The following SULF1 variants were observed in gnomAD, a reference collection of about 807,000 sequenced individuals.
The protein encoded by SULF1 is extracellular sulfatase Sulf-1.
SULF1 carries 46 observed loss-of-function variants against 110.5 expected under a neutral mutation model. The ratio of observed to expected loss-of-function variants is 0.42; its 90% CI spans 0.33 to 0.53. SULF1 has a LOEUF of 0.53. SULF1 is among the 20% of genes least tolerant of loss of function. SULF1 has a pLI of 0.12. For missense variants in SULF1, 941 were observed against 1,094.2 expected (o/e 0.86, Z 1.98); for synonymous variants, 371 against 387.1 (o/e 0.96, Z 0.49).
At chr8:69,611,121 ACT>A (rs1239420728) in intron 13 of SULF1, among the ~76,000 whole-genome samples, 1 of 152,172 alleles carries the variant, frequency 6.6e-6, no homozygotes, top group Non-Finnish European at 1.5e-5. Flanking sequence ...TCTTAACCTA[ACT>A]CTGCCTCAGT....
At chr8:69,538,095 G>C (rs900442720) in intron 3 of SULF1, among the ~76,000 whole-genome samples, 2 of 151,944 alleles carry the variant, frequency 1.3e-5, no homozygotes, top group African/African-American at 4.8e-5. Context: ...CCGCGTAGCT[G>C]GGACTACAGG....
rs1033385837 is a variant in SULF1, at chr8:69,603,070, G to C, written c.1062-122G>C. ...TTGCCACACAACTACCCATGCCTAGGAGACCAGATGAGAGGGTGAGAAGAG... is the reference window on the plus strand; with the variant it reads ...TTGCCACACAACTACCCATGCCTAGCAGACCAGATGAGAGGGTGAGAAGAG... On this transcript the variant is annotated intron_variant, in intron 10 of 22. Transcript: ENST00000402687. 9.4e-6 allele frequency: 13 copies of C among 1,378,148 alleles called. No individual in the cohort carries two copies. The Admixed American group carries it at 2.3e-4, about 25-fold the overall frequency. 85.4% of individuals were successfully genotyped at this position (1,378,148 alleles called of 1,614,324 possible).
chr8:69,621,023 T>G lies in SULF1; in HGVS notation c.1378-12T>G. The G allele has an allele frequency of 6.3e-7, 1 of 1,585,090 alleles. No homozygotes were observed. Among genetic ancestry groups the G allele is most frequent in the Non-Finnish European group, 8.6e-7 (1 of 1,158,550 alleles). ...CAGAATCGGTAAACTGCTTTCACGT[T>G]GGCTTTTGCAGAAGTGGCAATGCAT... is the stretch of plus-strand genomic sequence containing the variant. On this transcript the variant is annotated splice_polypyrimidine_tract_variant and intron_variant, in intron 13 of 22. Transcript: ENST00000402687.
At chr8:69,487,574 C>A (rs1809760116) in intron 1 of SULF1, among the ~76,000 whole-genome samples, 1 of 152,156 alleles carries the variant, frequency 6.6e-6, no homozygotes, top group Non-Finnish European at 1.5e-5. Flanking sequence ...AAAAAGAATT[C>A]CCCACTCCTA....
intron 17 of SULF1, 28 bp from the exon 18 acceptor site, chr8:69,628,143 T>C (rs1563605875): frequency 6.3e-7 from 1 of 1,575,624 alleles, no homozygotes; most frequent in South Asian, 1.1e-5. Flanking sequence ...GGCTATGAAG[T>C]CTCACTTTTT....
In SULF1 at chr8:69,579,707, A is replaced by G. The variant is rs567474972; in HGVS notation, c.412+3498A>G. The stretch of plus-strand genomic sequence containing the variant: ...CATGACAATAGTTATTGATCCAACC[A>G]TGGACAACAACCCATTTGAAAATAC... On this transcript the variant is annotated intron_variant, in intron 6 of 22. Coordinates refer to ENST00000402687, the MANE Select transcript of SULF1 (RefSeq NM_001128205.2). 2.6e-5 allele frequency among the ~76,000 whole-genome samples: 4 copies of G among 152,356 alleles called. No homozygotes were observed. In the South Asian group the frequency reaches 8.3e-4, roughly 32 times the overall value.
At chr8:69,590,913 C>T (rs575161045) in intron 8 of SULF1, among the ~76,000 whole-genome samples, 13 of 152,248 alleles carry the variant, frequency 8.5e-5, no homozygotes, top group East Asian at 7.7e-4. Context: ...AAAAGTCCTG[C>T]GGGCTTTTTC....
At chr8:69,627,931 C>A in intron 17 of SULF1, 65 bp downstream of exon 17, 2 of 1,208,056 alleles carry the variant, frequency 1.7e-6, no homozygotes, top group Non-Finnish European at 2.4e-6. Context: ...GAGGCATTAG[C>A]ACTGGGCTCA....
intron 3 of SULF1, among the ~76,000 whole-genome samples, chr8:69,542,506 A>G (rs1471821177): frequency 4.6e-5 from 7 of 152,050 alleles, no homozygotes; most frequent in Non-Finnish European, 1.5e-5. Context: ...GGGCTTAGCC[A>G]TTTCACCTCT....
intron 13 of SULF1, among the ~76,000 whole-genome samples, chr8:69,605,961 T>C (rs571385459): frequency 6.6e-6 from 1 of 152,322 alleles, no homozygotes; most frequent in South Asian, 2.1e-4. Flanking sequence ...TAAGTTACAA[T>C]AACCAGGTGA....
chr8:69,638,223 A>G (rs1811200598), intron 19 of SULF1: 5 of 373,826 alleles, frequency 1.3e-5, no homozygotes, highest in Non-Finnish European at 2.4e-5. Flanking sequence ...AAACCACTGC[A>G]TAACAGAGCT....
chr8:69,642,320 G>T, intron 22 of SULF1: 7 of 987,248 alleles, frequency 7.1e-6, no homozygotes, highest in Non-Finnish European at 8.4e-6. Flanking sequence ...AGTCCACCAA[G>T]AAGCCAAATG....
intron 3 of SULF1, among the ~76,000 whole-genome samples, chr8:69,505,200 G>A (rs1811100670): frequency 6.6e-6 from 1 of 152,152 alleles, no homozygotes; most frequent in Non-Finnish European, 1.5e-5. Flanking sequence ...GACACCAAAA[G>A]GACAATTAAA....
At chr8:69,605,217 T>C (rs1808145116) in intron 13 of SULF1, among the ~76,000 whole-genome samples, 1 of 152,194 alleles carries the variant, frequency 6.6e-6, no homozygotes, top group Admixed American at 6.5e-5. Flanking sequence ...AGATTCCTGT[T>C]ATAGTCCCTG....
rs554046569 is a variant in SULF1 at position 69,567,257 on chromosome 8, C to T, written c.172+3110C>T. Among the ~76,000 whole-genome samples, 8 of 152,084 alleles carry T rather than the reference C, an allele frequency of 5.3e-5. No homozygotes were observed. In the South Asian group the frequency reaches 6.3e-4, roughly 12 times the overall value. Reference sequence around the variant, plus strand: ...AAGTCATGCTCTCGGTAGTGGTTCCCGCTTGATGGAGACTTTTCCTCATTT... The same window carrying T: ...AAGTCATGCTCTCGGTAGTGGTTCCTGCTTGATGGAGACTTTTCCTCATTT... On this transcript the variant is annotated intron_variant, in intron 5 of 22. Coordinates refer to ENST00000402687, the MANE Select transcript of SULF1 (RefSeq NM_001128205.2).
chr8:69,570,791 C>A (rs1805175313), intron 5 of SULF1, among the ~76,000 whole-genome samples: 1 of 152,236 alleles, frequency 6.6e-6, no homozygotes, highest in Non-Finnish European at 1.5e-5. Context: ...GCATCCTGGT[C>A]CACAGCCGAT....
Position 69,660,005 on chromosome 8 carries a change from A to T in SULF1, c.*1470A>T, listed in dbSNP as rs1813006913. The T allele has an allele frequency of 6.6e-6, 1 of 152,658 alleles. No homozygotes were observed. Among genetic ancestry groups the T allele is most frequent in the African/African-American group, 2.4e-5 (1 of 41,458 alleles). 9.5% of individuals were successfully genotyped at this position (152,658 alleles called of 1,614,324 possible). On this transcript the variant is annotated 3_prime_UTR_variant, in exon 23 of 23. Transcript: ENST00000402687. The stretch of plus-strand genomic sequence containing the variant: ...GACTTGCTAAAATCGATTAGCAGAA[A>T]GGCATGGCTAATAATGTTGGTGGTG...
At chr8:69,506,216 A>G (rs1811185294) in intron 3 of SULF1, among the ~76,000 whole-genome samples, 1 of 146,568 alleles carries the variant, frequency 6.8e-6, no homozygotes. Context: ...TTTCTTTATA[A>G]GAGAGATAAC....
At chr8:69,620,888 A>T in intron 13 of SULF1, 147 bp from the exon 14 acceptor site, 1 of 579,972 alleles carries the variant, frequency 1.7e-6, no homozygotes, top group Non-Finnish European at 2.9e-6. Context: ...AGGGTCACTT[A>T]AAAGCTTGCC....
Sources: gnomAD v4.1 joint callset for allele counts (sites outside exome capture counted in the v4.1 genomes callset) on GRCh38, gnomAD v4.1.1 for gene constraint, MANE v1.5 for transcripts, NCBI Gene and HGNC (gene_info 2026-07-23, HGNC 2026-07-21) for gene names.